MGLL: variants seen among roughly 807,000 people sequenced by gnomAD.
The protein encoded by MGLL is monoglyceride lipase.
MGLL carries 7 observed loss-of-function variants against 29.1 expected under a neutral mutation model. The observed-to-expected ratio is 0.24, with a 90% CI of 0.14 to 0.45. The LOEUF (loss-of-function observed/expected upper bound fraction) is 0.45, where lower values mean the gene tolerates loss of function less well. MGLL is among the 20% of genes least tolerant of loss of function. MGLL has a pLI of 0.99. For missense variants in MGLL, 356 were observed against 413.6 expected (o/e 0.86, Z 1.21); for synonymous variants, 148 against 168.3 (o/e 0.88, Z 0.93).
chr3:127,721,508 T>TTTG (rs1491461079), intron 4 of MGLL, among the ~76,000 whole-genome samples: 52 of 19,968 alleles, frequency 2.6e-3, no homozygotes, highest in South Asian at 6.4e-3. Flanking sequence ...AATAGGAGGG[T>TTTG]TTTTTTTTTT....
At chr3:127,799,706 T>C (rs1208974404) in intron 2 of MGLL, among the ~76,000 whole-genome samples, 2 of 152,224 alleles carry the variant, frequency 1.3e-5, no homozygotes, top group African/African-American at 4.8e-5. Context: ...ATCAGGCATC[T>C]TGGCAGCCCC....
rs2075255677 is a variant in MGLL at position 127,692,051 on chromosome 3, G to A, written c.*147C>T. The A allele has an allele frequency of 1.7e-6, 2 of 1,149,014 alleles. No homozygotes were observed. The highest frequency in any genetic ancestry group is 2.4e-6 in the Non-Finnish European group (2 of 827,884). 71.2% of individuals were successfully genotyped at this position (1,149,014 alleles called of 1,614,324 possible). On this transcript the variant is annotated 3_prime_UTR_variant, in exon 8 of 8. Transcript: ENST00000265052. ...AGTCTAATGTATAACAAAAATGTCT[G>A]TTATTTTTTAGAAAATTGTGCTAAG... is the stretch of plus-strand genomic sequence containing the variant.
chr3:127,695,752 A>T (rs2075347912), intron 6 of MGLL, among the ~76,000 whole-genome samples: 1 of 152,236 alleles, frequency 6.6e-6, no homozygotes, highest in African/African-American at 2.4e-5. Flanking sequence ...TCAAAAAAAA[A>T]TTAAAAAAAA....
chr3:127,794,139 A>G (rs2077345140), intron 2 of MGLL, among the ~76,000 whole-genome samples: 6 of 151,946 alleles, frequency 3.9e-5, no homozygotes, highest in Admixed American at 2.0e-4. Context: ...GCGAAACCCC[A>G]TCTCTACCAA....
intron 2 of MGLL, among the ~76,000 whole-genome samples, chr3:127,809,296 C>A (rs777131958): frequency 2.2e-4 from 33 of 152,098 alleles, no homozygotes; most frequent in Non-Finnish European, 4.4e-4. Context: ...TGCAATGCCA[C>A]TGGGAGAGGA....
At chr3:127,696,779 C>A (rs1214951758) in intron 6 of MGLL, among the ~76,000 whole-genome samples, 1 of 151,984 alleles carries the variant, frequency 6.6e-6, no homozygotes, top group African/African-American at 2.4e-5. Flanking sequence ...TGGGGAGGGG[C>A]CACGTGGTGA....
chr3:127,758,740 A>C (rs1394548520), intron 3 of MGLL, among the ~76,000 whole-genome samples: 2 of 152,156 alleles, frequency 1.3e-5, no homozygotes, highest in Non-Finnish European at 2.9e-5. Flanking sequence ...TGTTATAAAA[A>C]ACAATGGGAT....
chr3:127,762,375 C>G (rs2076780767), intron 3 of MGLL, among the ~76,000 whole-genome samples: 1 of 152,206 alleles, frequency 6.6e-6, no homozygotes, highest in Non-Finnish European at 1.5e-5. Flanking sequence ...GCTCAGCTCA[C>G]AAGACAGACT....
At chr3:127,815,997 A>G (rs1280533249) in intron 2 of MGLL, among the ~76,000 whole-genome samples, 2 of 152,224 alleles carry the variant, frequency 1.3e-5, no homozygotes, top group African/African-American at 4.8e-5. Flanking sequence ...CGTATGGGGT[A>G]GCCACAGAGC....
At chr3:127,721,528 T>TTTTC in intron 4 of MGLL, among the ~76,000 whole-genome samples, 1 of 150,974 alleles carries the variant, frequency 6.6e-6, no homozygotes, top group South Asian at 2.1e-4. Flanking sequence ...TTTTTTTTTT[T>TTTTC]TTGGTGGGGG....
At chr3:127,808,336 T>A (rs539893442) in intron 2 of MGLL, among the ~76,000 whole-genome samples, 1 of 152,208 alleles carries the variant, frequency 6.6e-6, no homozygotes. Context: ...CCATTCTTGG[T>A]CAGACTTCCC....
intron 3 of MGLL, among the ~76,000 whole-genome samples, chr3:127,768,883 C>T (rs373623721): frequency 8.5e-5 from 13 of 152,348 alleles, no homozygotes; most frequent in African/African-American, 2.2e-4. Context: ...ACCCTGGAGC[C>T]GGAGAGTGTG....
chr3:127,719,614 G>T (rs1236987223), intron 5 of MGLL, among the ~76,000 whole-genome samples: 1 of 152,172 alleles, frequency 6.6e-6, no homozygotes, highest in Non-Finnish European at 1.5e-5. Flanking sequence ...CTGAGTCTGG[G>T]CCTGCTTATT....
At chr3:127,715,998 T>G in intron 5 of MGLL, 1 of 365,306 alleles carries the variant, frequency 2.7e-6, no homozygotes, top group South Asian at 2.0e-5. Flanking sequence ...GCTCCCCCAT[T>G]GAGGTGAGAC....
chr3:127,804,618 C>A (rs1461764203), intron 2 of MGLL, among the ~76,000 whole-genome samples: 1 of 152,216 alleles, frequency 6.6e-6, no homozygotes, highest in Non-Finnish European at 1.5e-5. Context: ...GTAGTCACAT[C>A]TTTCTACTTC....
Position 127,722,531 on chromosome 3 carries a change from C to T in MGLL, c.298G>A (p.Val100Met). ...CTGACGAAAACGTGGAAGTCAGACA[C>T]TACCATCCTCTCCCCTTCGCTCTGT... is the stretch of plus-strand genomic sequence containing the variant. The part of the protein sequence containing the change: ...HGQSEGERMV[V>M]SDFHVFVRDV... Residue 100 changes from valine to methionine, a missense_variant, in exon 4 of 8, where the codon GTG (valine) becomes ATG (methionine). Physicochemically the swap from Val to Met is conservative, Grantham distance 21 (BLOSUM62 1). Coordinates refer to ENST00000265052, the MANE Select transcript of MGLL (RefSeq NM_007283.7). The T allele has an allele frequency of 6.2e-7, 1 of 1,614,222 alleles. No individual in the cohort carries two copies. The highest frequency in any genetic ancestry group is 8.5e-7 in the Non-Finnish European group (1 of 1,180,040).
At chr3:127,749,638 C>A (rs1012890339) in intron 3 of MGLL, among the ~76,000 whole-genome samples, 4 of 152,134 alleles carry the variant, frequency 2.6e-5, no homozygotes, top group African/African-American at 9.7e-5. Flanking sequence ...TGGCCCAGAG[C>A]AGATTCTAGA....
At chr3:127,738,320 T>C (rs898308037) in intron 3 of MGLL, among the ~76,000 whole-genome samples, 2 of 146,518 alleles carry the variant, frequency 1.4e-5, no homozygotes, top group Non-Finnish European at 3.0e-5. Context: ...AAAAAAAAAA[T>C]GTGTTCTTGG....
chr3:127,721,839 C>G (rs2075931929), intron 4 of MGLL, among the ~76,000 whole-genome samples: 3 of 142,138 alleles, frequency 2.1e-5, no homozygotes, highest in African/African-American at 7.3e-5. Context: ...TTCAATATAT[C>G]TTGGTCAGCC....
Sources: gnomAD v4.1 joint callset for allele counts (sites outside exome capture counted in the v4.1 genomes callset) on GRCh38, gnomAD v4.1.1 for gene constraint, MANE v1.5 for transcripts, NCBI Gene and HGNC (gene_info 2026-07-23, HGNC 2026-07-21) for gene names.